Variants in DNAH5 observed in about 807,000 individuals in gnomAD.
DNAH5 encodes the protein axonemal beta dynein heavy chain 5.
A neutral mutation model predicts 518.2 loss-of-function variants in DNAH5; 372 were observed. The ratio of observed to expected loss-of-function variants is 0.72; its 90% confidence interval spans 0.66 to 0.78. DNAH5 has a LOEUF of 0.78. Among genes scored for constraint, DNAH5 ranks in the 30% least tolerant of loss-of-function variants. The pLI is 0.00. For synonymous variants in DNAH5, 2,039 were observed against 2,025.9 expected (o/e 1.01, Z -0.17); for missense variants, 5,523 against 5,687.0 (o/e 0.97, Z 0.93).
chr5:13,693,310 C>T lies in DNAH5; in HGVS notation c.13724-1175G>A, dbSNP rs149914971. On this transcript the variant is annotated intron_variant, in intron 78 of 78. Coordinates refer to ENST00000265104, the MANE Select transcript of DNAH5 (RefSeq NM_001369.3). ...CACATCAGAGTTATTGAATTTATTT[C>T]TCAAAACTGACATGCTCAAAAATTT... Among the ~76,000 whole-genome samples the T allele has an allele frequency of 1.7e-3, 252 of 152,286 alleles. 3 individuals carry two copies. The East Asian group carries it at 0.043, about 26-fold the overall frequency.
intron 65 of DNAH5, among the ~76,000 whole-genome samples, chr5:13,749,411 T>C (rs1056547640): frequency 7.2e-5 from 11 of 152,188 alleles, no homozygotes; most frequent in African/African-American, 2.7e-4. Context: ...GCATCCATAC[T>C]GGCTTTTCAG....
chr5:13,894,252 G>A (rs982364817), intron 16 of DNAH5, among the ~76,000 whole-genome samples: 2 of 152,078 alleles, frequency 1.3e-5, no homozygotes, highest in African/African-American at 4.8e-5. Context: ...TCTTTTTAAG[G>A]AAAATTGTGT....
intron 63 of DNAH5, among the ~76,000 whole-genome samples, chr5:13,752,882 C>G (rs1434479045): frequency 6.6e-6 from 1 of 152,148 alleles, no homozygotes; most frequent in Non-Finnish European, 1.5e-5. Flanking sequence ...TTCACCACTA[C>G]CACTTTTGTG....
At chr5:13,778,465 G>C (rs1754434048) in intron 53 of DNAH5, among the ~76,000 whole-genome samples, 1 of 100,438 alleles carries the variant, frequency 1.0e-5, no homozygotes, top group African/African-American at 4.0e-5. Context: ...GAACGAAAGA[G>C]AGAAGGAAGG....
chr5:13,956,618 C>T (rs1378705437), intron 1 of DNAH5, among the ~76,000 whole-genome samples: 2 of 152,198 alleles, frequency 1.3e-5, no homozygotes, highest in Admixed American at 6.5e-5. Flanking sequence ...GTCACTCTGC[C>T]CATGCGTGCC....
chr5:13,750,229 G>C, intron 65 of DNAH5, among the ~76,000 whole-genome samples: 1 of 152,284 alleles, frequency 6.6e-6, no homozygotes, highest in South Asian at 2.1e-4. Flanking sequence ...TCAGGTCAGC[G>C]TAGAAGGTGC....
intron 1 of DNAH5, among the ~76,000 whole-genome samples, chr5:13,937,720 G>T (rs1314614991): frequency 6.6e-6 from 1 of 152,068 alleles, no homozygotes; most frequent in Non-Finnish European, 1.5e-5. Flanking sequence ...GATTAGCTTT[G>T]TTGCACGTCT....
intron 11 of DNAH5, 119 bp from the exon 12 acceptor site, chr5:13,911,612 A>T (rs1469141828): frequency 1.2e-5 from 10 of 834,440 alleles, no homozygotes; most frequent in African/African-American, 1.7e-5. Context: ...AGTTTAAAGG[A>T]AGCCTTATTT....
chr5:13,727,627 A>C lies in DNAH5; in HGVS notation c.11913T>G (p.Ile3971Met), dbSNP rs147531607. Reference sequence around the variant, plus strand: ...CCTCCGGGTTTTCCTTATCAAACCAAATTTTCCACATTTTCTCATTTCTCG... The same window carrying C: ...CCTCCGGGTTTTCCTTATCAAACCACATTTTCCACATTTTCTCATTTCTCG... The part of the protein sequence containing the change: ...QISRNEKMWK[I>M]WFDKENPEEE... The change falls in exon 70 of 79, where the codon ATT (isoleucine) becomes ATG (methionine). Residue 3971 changes from isoleucine to methionine, a missense_variant. By Grantham distance (10) the Ile-to-Met change is conservative (BLOSUM62 1). Transcript: ENST00000265104. 28 of 1,613,740 alleles carry C rather than the reference A, an allele frequency of 1.7e-5. No homozygotes were observed. In the African/African-American group the frequency reaches 2.4e-4, roughly 14 times the overall value.
At chr5:13,920,314 T>G (rs190466024) in intron 6 of DNAH5, among the ~76,000 whole-genome samples, 166 bp downstream of exon 6, 2 of 152,372 alleles carry the variant, frequency 1.3e-5, no homozygotes, top group African/African-American at 4.8e-5. Flanking sequence ...TTACTACCTC[T>G]TCTTAATTCA....
At chr5:13,938,076 A>T (rs946638475) in intron 1 of DNAH5, among the ~76,000 whole-genome samples, 1 of 152,196 alleles carries the variant, frequency 6.6e-6, no homozygotes, top group Admixed American at 6.5e-5. Context: ...GAGTAATGTG[A>T]TAAAATCTCA....
rs1765091364 is a variant in DNAH5 at position 13,841,060 on chromosome 5, T to C, written c.5555A>G (p.Asp1852Gly). 4 of 1,614,178 alleles carry C rather than the reference T, an allele frequency of 2.5e-6. No homozygotes were observed. Among genetic ancestry groups the C allele is most frequent in the Non-Finnish European group, 3.4e-6 (4 of 1,180,014 alleles). The change falls in exon 34 of 79, where the codon GAT becomes GGT. Residue 1852 changes from aspartate to glycine, a missense_variant. Asp to Gly is a moderately conservative substitution (Grantham distance 94, BLOSUM62 -1). Coordinates refer to ENST00000265104, the MANE Select transcript of DNAH5 (RefSeq NM_001369.3). ...ATTAGTTTTCTGCATGATTTTTTTA[T>C]CAAACTTGGCATTTCTAAGGGCTTC... is the stretch of plus-strand genomic sequence containing the variant. ...SEEALRNAKF[D>G]KKIMQKTNQA...
chr5:13,716,855 G>C (rs888669454), intron 73 of DNAH5, among the ~76,000 whole-genome samples, 165 bp from the exon 74 acceptor site: 1 of 152,200 alleles, frequency 6.6e-6, no homozygotes, highest in African/African-American at 2.4e-5. Flanking sequence ...GTAAAGAAGA[G>C]TAGTTACTCA....
At chr5:13,789,917 G>A (rs1756682707) in intron 50 of DNAH5, among the ~76,000 whole-genome samples, 1 of 152,138 alleles carries the variant, frequency 6.6e-6, no homozygotes, top group African/African-American at 2.4e-5. Context: ...CTCAAAAGAA[G>A]ACATACATGT....
intron 59 of DNAH5, among the ~76,000 whole-genome samples, chr5:13,765,674 A>C (rs1184864876): frequency 6.6e-6 from 1 of 152,232 alleles, no homozygotes; most frequent in African/African-American, 2.4e-5. Context: ...TTACTGAGAA[A>C]TGCAAAATAC....
intron 38 of DNAH5, among the ~76,000 whole-genome samples, chr5:13,827,745 G>C (rs1023921331): frequency 1.3e-5 from 2 of 151,992 alleles, no homozygotes; most frequent in Non-Finnish European, 2.9e-5. Flanking sequence ...TCATCCCGAA[G>C]TGTAGTTCCA....
At chr5:13,848,530 T>C (rs1449590498) in intron 31 of DNAH5, among the ~76,000 whole-genome samples, 3 of 152,190 alleles carry the variant, frequency 2.0e-5, no homozygotes, top group Non-Finnish European at 4.4e-5. Flanking sequence ...TATTATTACA[T>C]AATGAAATAA....
intron 1 of DNAH5, among the ~76,000 whole-genome samples, chr5:13,997,904 C>T (rs566470747): frequency 7.3e-5 from 11 of 150,310 alleles, no homozygotes; most frequent in Non-Finnish European, 1.3e-4. Flanking sequence ...AGTGCCATGG[C>T]GTGATCTCGG....
intron 65 of DNAH5, among the ~76,000 whole-genome samples, chr5:13,741,989 C>A (rs1048880699): frequency 6.6e-6 from 1 of 152,136 alleles, no homozygotes; most frequent in Non-Finnish European, 1.5e-5. Flanking sequence ...CTCAAAATGT[C>A]TCTTCCCTTC....
Sources: allele counts gnomAD v4.1 joint callset (sites outside exome capture counted in the v4.1 genomes callset), GRCh38; gene constraint gnomAD v4.1.1; transcripts MANE v1.5; gene names NCBI Gene and HGNC (gene_info 2026-07-23, HGNC 2026-07-21).